The following PRKCE variants were observed in gnomAD, a reference collection of about 807,000 sequenced individuals.
PRKCE encodes protein kinase C epsilon type.
In PRKCE, 16 loss-of-function variants were observed where a neutral mutation model predicts 85.4. The observed-to-expected ratio is 0.19, with a 90% CI of 0.13 to 0.28. PRKCE has a LOEUF of 0.28. Among genes scored for constraint, PRKCE ranks in the 10% least tolerant of loss-of-function variants. PRKCE has a pLI of 1.00. For synonymous variants in PRKCE, 388 were observed against 371.5 expected (o/e 1.04, Z -0.51); for missense variants, 573 against 975.2 (o/e 0.59, Z 5.49).
chr2:46,168,459 C>A (rs552307434), intron 14 of PRKCE, among the ~76,000 whole-genome samples: 2 of 152,152 alleles, frequency 1.3e-5, no homozygotes, highest in South Asian at 2.1e-4. Context: ...GAACTATCTG[C>A]GAAAGGCATA....
chr2:46,054,744 C>T (rs1558400160), intron 10 of PRKCE, among the ~76,000 whole-genome samples: 1 of 152,188 alleles, frequency 6.6e-6, no homozygotes, highest in Admixed American at 6.5e-5. Context: ...ACAAACATCC[C>T]TGTTTTACCA....
At chr2:46,131,896 A>T (rs192438374) in intron 11 of PRKCE, among the ~76,000 whole-genome samples, 29 of 152,280 alleles carry the variant, frequency 1.9e-4, no homozygotes, top group Non-Finnish European at 3.4e-4. Flanking sequence ...TACTAAAGCT[A>T]TTCACTGGGC....
intron 1 of PRKCE, among the ~76,000 whole-genome samples, chr2:45,781,825 G>C (rs993593913): frequency 1.3e-5 from 2 of 152,122 alleles, no homozygotes; most frequent in Admixed American, 6.5e-5. Context: ...GGTTACTTCT[G>C]TTAGTTATTA....
At chr2:45,878,181 G>A (rs13413514) in intron 2 of PRKCE, among the ~76,000 whole-genome samples, 12,565 of 152,262 alleles carry the variant, frequency 0.083, 1,741 homozygotes, top group African/African-American at 0.28. Context: ...GAACCTAGAC[G>A]AAACCCCTGG....
At chr2:45,762,640 C>T (rs1684598907) in intron 1 of PRKCE, among the ~76,000 whole-genome samples, 1 of 152,214 alleles carries the variant, frequency 6.6e-6, no homozygotes, top group South Asian at 2.1e-4. Flanking sequence ...TGATTCTTCC[C>T]AGACCAGCAC....
intron 10 of PRKCE, among the ~76,000 whole-genome samples, chr2:46,085,198 G>A (rs1465039066): frequency 6.6e-6 from 1 of 152,128 alleles, no homozygotes; most frequent in Admixed American, 6.5e-5. Context: ...TTGCAGGTAA[G>A]AGGGGGCCAC....
intron 2 of PRKCE, among the ~76,000 whole-genome samples, chr2:45,879,024 C>T (rs544934645): frequency 1.3e-5 from 2 of 152,234 alleles, no homozygotes; most frequent in African/African-American, 4.8e-5. Flanking sequence ...GCCCCACCCT[C>T]AAGCCTGGAA....
At chr2:45,977,676 A>G (rs1702567346) in intron 3 of PRKCE, among the ~76,000 whole-genome samples, 1 of 151,768 alleles carries the variant, frequency 6.6e-6, no homozygotes. Context: ...AGAGGGGCTG[A>G]GATAAAGATG....
intron 1 of PRKCE, chr2:45,701,427 C>T (rs1358250281): frequency 6.6e-6 from 1 of 152,172 alleles, no homozygotes; most frequent in Non-Finnish European, 1.5e-5. Context: ...AAAAAATGCT[C>T]CCATCAGTTA....
intron 6 of PRKCE, among the ~76,000 whole-genome samples, chr2:45,987,187 C>G (rs995357698): frequency 6.6e-6 from 1 of 152,068 alleles, no homozygotes; most frequent in African/African-American, 2.4e-5. Flanking sequence ...GAAGGAGGGG[C>G]AGGGACAGTG....
chr2:46,151,488 G>A (rs952822081), intron 13 of PRKCE, among the ~76,000 whole-genome samples: 2 of 152,222 alleles, frequency 1.3e-5, no homozygotes, highest in African/African-American at 2.4e-5. Context: ...GTGGGAAGAG[G>A]AGCGCATGTC....
intron 1 of PRKCE, among the ~76,000 whole-genome samples, chr2:45,807,458 C>A (rs1053039794): frequency 6.6e-6 from 1 of 152,248 alleles, no homozygotes; most frequent in East Asian, 1.9e-4. Context: ...ATAGATGTGA[C>A]AGCTAGTGGT....
At chr2:45,946,285 C>T (rs1700238198) in intron 2 of PRKCE, among the ~76,000 whole-genome samples, 1 of 152,208 alleles carries the variant, frequency 6.6e-6, no homozygotes, top group African/African-American at 2.4e-5. Flanking sequence ...GCAGTGAGGC[C>T]ATTTGGCCTA....
intron 10 of PRKCE, among the ~76,000 whole-genome samples, chr2:46,045,326 G>A (rs1708456115): frequency 6.6e-6 from 1 of 152,142 alleles, no homozygotes; most frequent in African/African-American, 2.4e-5. Flanking sequence ...TGCATGTTGT[G>A]GTTAAAAATA....
At chr2:45,706,806 T>C (rs1679152474) in intron 1 of PRKCE, among the ~76,000 whole-genome samples, 1 of 152,220 alleles carries the variant, frequency 6.6e-6, no homozygotes, top group African/African-American at 2.4e-5. Context: ...TGATCATCAA[T>C]AGCAAGAAAT....
chr2:46,100,018 T>C (rs868837862), intron 11 of PRKCE, among the ~76,000 whole-genome samples: 3 of 152,198 alleles, frequency 2.0e-5, no homozygotes, highest in African/African-American at 7.2e-5. Flanking sequence ...GGCAAATGAC[T>C]TCTCCTTGCT....
intron 2 of PRKCE, among the ~76,000 whole-genome samples, chr2:45,928,330 C>A (rs886173439): frequency 6.6e-6 from 1 of 152,222 alleles, no homozygotes; most frequent in Middle Eastern, 3.2e-3. Context: ...TGCAGTGGTG[C>A]CATCTCAACT....
chr2:45,787,851 T>G (rs1686729381), intron 1 of PRKCE, among the ~76,000 whole-genome samples: 1 of 152,186 alleles, frequency 6.6e-6, no homozygotes, highest in Non-Finnish European at 1.5e-5. Flanking sequence ...ATTGCAGGCC[T>G]GGAGATCCTG....
intron 1 of PRKCE, among the ~76,000 whole-genome samples, chr2:45,693,763 A>G (rs1011577559): frequency 1.3e-5 from 2 of 152,152 alleles, no homozygotes; most frequent in African/African-American, 4.8e-5. Context: ...GAGGTTTGGC[A>G]AGGAGAAGTG....
Sources: gnomAD v4.1 joint callset for allele counts (sites outside exome capture counted in the v4.1 genomes callset) on GRCh38, gnomAD v4.1.1 for gene constraint, MANE v1.5 for transcripts, NCBI Gene and HGNC (gene_info 2026-07-23, HGNC 2026-07-21) for gene names.